The following PDE3A variants were observed in gnomAD, a reference collection of about 807,000 sequenced individuals.
PDE3A encodes the protein phosphodiesterase 3A, also known as cGMP-inhibited 3',5'-cyclic phosphodiesterase 3A.
In PDE3A, 43 loss-of-function variants were observed where a neutral mutation model predicts 98.3. The observed-to-expected ratio is 0.44, with a 90% CI of 0.34 to 0.56. The LOEUF (loss-of-function observed/expected upper bound fraction) is 0.56. Among genes scored for constraint, PDE3A ranks in the 20% least tolerant of loss-of-function variants. The probability of loss-of-function intolerance (pLI) is 0.01; values close to 1 mark genes in which losing one functional copy is unlikely to be tolerated. For missense variants in PDE3A, 1,427 were observed against 1,440.7 expected, an observed-to-expected ratio of 0.99 and a Z score of 0.15; for synonymous variants, 663 against 567.9, an observed-to-expected ratio of 1.17 and a Z score of -2.38.
intron 1 of PDE3A, chr12:20,371,293 G>C (rs1014819661): frequency 2.1e-6 from 2 of 941,422 alleles, no homozygotes; most frequent in African/African-American, 1.8e-5. Flanking sequence ...ATACCGAAGG[G>C]TATGCCTCCC....
At chr12:20,662,027 G>A (rs940105533) in intron 15 of PDE3A, among the ~76,000 whole-genome samples, 47 of 152,290 alleles carry the variant, frequency 3.1e-4, no homozygotes, top group Admixed American at 2.9e-3. Context: ...GCTGTACCCT[G>A]TAAAGCCACA....
At chr12:20,588,071 G>A (rs1943234770) in intron 2 of PDE3A, among the ~76,000 whole-genome samples, 1 of 152,150 alleles carries the variant, frequency 6.6e-6, no homozygotes, top group South Asian at 2.1e-4. Context: ...CTAAATGTTG[G>A]AGCTTTCTGC....
chr12:20,656,270 C>A (rs1945041314), intron 15 of PDE3A, among the ~76,000 whole-genome samples: 1 of 152,136 alleles, frequency 6.6e-6, no homozygotes, highest in Non-Finnish European at 1.5e-5. Flanking sequence ...TTGGTTCATT[C>A]CAACCATCTT....
chr12:20,600,669 TG>T (rs1565444550), intron 2 of PDE3A, among the ~76,000 whole-genome samples: 1 of 152,220 alleles, frequency 6.6e-6, no homozygotes, highest in African/African-American at 2.4e-5. Flanking sequence ...GATTGCTTTT[TG>T]TGTCAGTACT....
At chr12:20,418,458 C>T (rs527549491) in intron 1 of PDE3A, among the ~76,000 whole-genome samples, 7 of 152,250 alleles carry the variant, frequency 4.6e-5, no homozygotes, top group East Asian at 1.9e-4. Context: ...GACCTCACCC[C>T]GGTTGCATCT....
chr12:20,481,764 A>ATTTTTTTTTTTTTTTT lies in PDE3A; in HGVS notation c.961-74889_961-74874dup, dbSNP rs10657239. Among the ~76,000 whole-genome samples, 21 of 79,592 alleles carry ATTTTTTTTTTTTTTTT rather than the reference A, an allele frequency of 2.6e-4. 1 individual carries two copies. Among genetic ancestry groups the ATTTTTTTTTTTTTTTT allele is most frequent in the African/African-American group, 7.8e-4 (15 of 19,304 alleles). The allele number at this position is 79,592 out of a possible 152,430, so 52.2% of individuals were successfully genotyped here. On this transcript the variant is annotated intron_variant, in intron 1 of 15. Transcript: ENST00000359062. The stretch of plus-strand genomic sequence containing the variant: ...TCCATGTAAGTGACTTGGGAAATAG[A>ATTTTTTTTTTTTTTTT]TTTTTTTTTTTTTTTTTTTTTTGAG...
At chr12:20,425,900 G>A (rs1299295182) in intron 1 of PDE3A, among the ~76,000 whole-genome samples, 1 of 152,144 alleles carries the variant, frequency 6.6e-6, no homozygotes, top group African/African-American at 2.4e-5. Context: ...TTTGTGGTAA[G>A]TTACTTAAAT....
chr12:20,647,708 C>T (rs1055435317), intron 12 of PDE3A, among the ~76,000 whole-genome samples: 2 of 152,056 alleles, frequency 1.3e-5, no homozygotes, highest in Non-Finnish European at 2.9e-5. Context: ...ATTTCCACAG[C>T]TCATCTTATA....
intron 1 of PDE3A, among the ~76,000 whole-genome samples, chr12:20,467,912 C>T (rs1246912546): frequency 5.9e-5 from 7 of 117,714 alleles, no homozygotes; most frequent in African/African-American, 1.4e-4. Flanking sequence ...TCCAGCCTGG[C>T]GACAGAGCGA....
chr12:20,521,569 G>A (rs1330056663), intron 1 of PDE3A, among the ~76,000 whole-genome samples: 17 of 152,104 alleles, frequency 1.1e-4, no homozygotes, highest in Admixed American at 1.0e-3. Context: ...TATTTTATAC[G>A]ATGCTTTGTA....
At chr12:20,398,108 C>A in intron 1 of PDE3A, among the ~76,000 whole-genome samples, 1 of 142,276 alleles carries the variant, frequency 7.0e-6, no homozygotes, top group Non-Finnish European at 1.5e-5. Context: ...CGTTTTCTGG[C>A]TGGGGCAGGA....
chr12:20,660,674 A>G (rs1945146733), intron 15 of PDE3A, among the ~76,000 whole-genome samples: 1 of 152,208 alleles, frequency 6.6e-6, no homozygotes, highest in Non-Finnish European at 1.5e-5. Context: ...GTTCCTTTGC[A>G]CAAGTTCTCT....
intron 1 of PDE3A, among the ~76,000 whole-genome samples, chr12:20,410,502 T>C (rs888431995): frequency 6.6e-6 from 1 of 152,202 alleles, no homozygotes; most frequent in Non-Finnish European, 1.5e-5. Flanking sequence ...TACTTCTTCC[T>C]GAAGCTACAC....
intron 1 of PDE3A, among the ~76,000 whole-genome samples, chr12:20,518,904 G>A (rs965098206): frequency 6.6e-6 from 1 of 152,132 alleles, no homozygotes; most frequent in African/African-American, 2.4e-5. Context: ...CATCCATGAA[G>A]TGTAACTAGT....
At chr12:20,617,180 A>G (rs1401794215) in intron 4 of PDE3A, among the ~76,000 whole-genome samples, 2 of 152,204 alleles carry the variant, frequency 1.3e-5, no homozygotes, top group Admixed American at 1.3e-4. Flanking sequence ...ATGTCGTATT[A>G]TATGACAGCA....
intron 1 of PDE3A, among the ~76,000 whole-genome samples, chr12:20,386,009 T>TATATATAAAATATATATATAA (rs1943757157): frequency 9.6e-6 from 1 of 103,802 alleles, no homozygotes; most frequent in Non-Finnish European, 1.8e-5. Flanking sequence ...TATATATAAA[T>TATATATAAAATATATATATAA]ATATATAAAA....
At chr12:20,603,010 T>G (rs1943627617) in intron 2 of PDE3A, among the ~76,000 whole-genome samples, 1 of 152,176 alleles carries the variant, frequency 6.6e-6, no homozygotes, top group African/African-American at 2.4e-5. Flanking sequence ...AAGACCAAGA[T>G]ACCATTTCCT....
rs548666689 is a variant in PDE3A, at chr12:20,386,420, T to C, written c.960+16176T>C. Among the ~76,000 whole-genome samples the C allele has an allele frequency of 1.1e-3, 163 of 151,154 alleles. 3 individuals carry two copies. In the South Asian group the frequency reaches 0.033, roughly 30 times the overall value. On this transcript the variant is annotated intron_variant, in intron 1 of 15. Transcript: ENST00000359062. ...CTTTTTTTCATGTTTGTTGGCCACA[T>C]AAATGTCTTCTTTTGAGAAATGTCT... is the stretch of plus-strand genomic sequence containing the variant.
chr12:20,501,568 T>C (rs1038382640), intron 1 of PDE3A, among the ~76,000 whole-genome samples: 4 of 152,190 alleles, frequency 2.6e-5, no homozygotes, highest in Non-Finnish European at 4.4e-5. Context: ...ATAGACGTGA[T>C]GTGAAATTAT....
Sources: allele counts gnomAD v4.1 joint callset (sites outside exome capture counted in the v4.1 genomes callset), GRCh38; gene constraint gnomAD v4.1.1; transcripts MANE v1.5; gene names NCBI Gene and HGNC (gene_info 2026-07-23, HGNC 2026-07-21).